The following RBFOX1 variants were observed in gnomAD, a reference collection of about 807,000 sequenced individuals.
RBFOX1 encodes RNA binding protein fox-1 homolog 1.
A neutral mutation model predicts 57.7 loss-of-function variants in RBFOX1; 8 were observed. That is an observed-to-expected ratio of 0.14 (90% CI 0.08 to 0.25). The LOEUF (loss-of-function observed/expected upper bound fraction) is 0.25. RBFOX1 is among the 10% of genes least tolerant of loss of function. RBFOX1 has a pLI of 1.00. For synonymous variants in RBFOX1, 326 were observed against 222.4 expected (o/e 1.47, Z -4.15); for missense variants, 611 against 548.5 (o/e 1.11, Z -1.14).
chr16:6,276,757 C>G (rs1432085216), intron 1 of RBFOX1, among the ~76,000 whole-genome samples: 1 of 151,962 alleles, frequency 6.6e-6, no homozygotes, highest in Admixed American at 6.6e-5. Context: ...TTCTTTATCA[C>G]AGCATCCTGT....
intron 3 of RBFOX1, among the ~76,000 whole-genome samples, chr16:6,949,667 G>T (rs559215108): frequency 6.0e-4 from 91 of 152,012 alleles, no homozygotes; most frequent in African/African-American, 2.1e-3. Context: ...CCAACCTTAT[G>T]ACCTCCTTTG....
intron 3 of RBFOX1, among the ~76,000 whole-genome samples, chr16:6,845,702 C>T (rs1169627187): frequency 6.6e-6 from 1 of 152,178 alleles, no homozygotes; most frequent in East Asian, 1.9e-4. Context: ...CGTTCCAGGC[C>T]TTGCTTCTCT....
At chr16:5,846,809 C>T (rs191471826) in intron 3 of RBFOX1, among the ~76,000 whole-genome samples, 2 of 152,050 alleles carry the variant, frequency 1.3e-5, no homozygotes, top group African/African-American at 2.4e-5. Context: ...CTCCAGGAAG[C>T]CCCTCAAATG....
chr16:5,452,833 G>A (rs1044289553), intron 1 of RBFOX1, among the ~76,000 whole-genome samples: 2 of 151,930 alleles, frequency 1.3e-5, no homozygotes, highest in East Asian at 1.9e-4. Flanking sequence ...TAGTAGGGAC[G>A]GGGTTTGCTC....
At chr16:5,906,837 C>G (rs1349298209) in intron 4 of RBFOX1, among the ~76,000 whole-genome samples, 1 of 144,976 alleles carries the variant, frequency 6.9e-6, no homozygotes, top group Non-Finnish European at 1.5e-5. Context: ...CGGGGTCAAG[C>G]AATTCTCTTG....
At chr16:5,277,265 A>G (rs2063164059) in intron 1 of RBFOX1, among the ~76,000 whole-genome samples, 1 of 151,976 alleles carries the variant, frequency 6.6e-6, no homozygotes, top group Non-Finnish European at 1.5e-5. Flanking sequence ...ATGATGATGC[A>G]AAGGGACGAG....
intron 4 of RBFOX1, among the ~76,000 whole-genome samples, chr16:5,928,931 A>C (rs769851199): frequency 2.5e-4 from 38 of 151,896 alleles, no homozygotes; most frequent in South Asian, 1.7e-3. Context: ...AGAGCTCGCA[A>C]TGTGGCTGCA....
intron 4 of RBFOX1, among the ~76,000 whole-genome samples, chr16:7,258,537 C>T (rs1349494628): frequency 6.6e-6 from 1 of 151,930 alleles, no homozygotes; most frequent in Non-Finnish European, 1.5e-5. Flanking sequence ...TGTACATGCA[C>T]GTAAAAATAT....
intron 3 of RBFOX1, among the ~76,000 whole-genome samples, chr16:5,839,909 C>T (rs533141609): frequency 6.6e-6 from 1 of 152,134 alleles, no homozygotes; most frequent in Non-Finnish European, 1.5e-5. Context: ...CCCCTATGAG[C>T]AATCAAGACA....
At chr16:5,404,715 G>C (rs1291721294) in intron 1 of RBFOX1, among the ~76,000 whole-genome samples, 1 of 152,188 alleles carries the variant, frequency 6.6e-6, no homozygotes, top group African/African-American at 2.4e-5. Flanking sequence ...TGGCAGTTTT[G>C]TGGTGCATGC....
chr16:7,686,573 CAAAA>C (rs752429209), intron 14 of RBFOX1, among the ~76,000 whole-genome samples: 9 of 151,822 alleles, frequency 5.9e-5, no homozygotes, highest in African/African-American at 1.5e-4. Context: ...TCTACACAGA[CAAAA>C]AAAGAAAAAG....
intron 2 of RBFOX1, among the ~76,000 whole-genome samples, chr16:5,571,660 A>G (rs2046288918): frequency 6.6e-6 from 1 of 152,074 alleles, no homozygotes; most frequent in Non-Finnish European, 1.5e-5. Flanking sequence ...TCTGGAGACT[A>G]CTGTTCAAAG....
At chr16:6,657,212 C>T (rs1225176461) in intron 3 of RBFOX1, among the ~76,000 whole-genome samples, 1 of 151,418 alleles carries the variant, frequency 6.6e-6, no homozygotes, top group East Asian at 1.9e-4. Flanking sequence ...GTCTTCCTTC[C>T]TCCCTCCTTC....
intron 3 of RBFOX1, among the ~76,000 whole-genome samples, chr16:5,830,691 C>G (rs1244202642): frequency 6.6e-6 from 1 of 152,208 alleles, no homozygotes; most frequent in East Asian, 1.9e-4. Context: ...TGTGTCCTCT[C>G]TGCATCACCA....
intron 2 of RBFOX1, among the ~76,000 whole-genome samples, chr16:6,581,437 C>T (rs1483733783): frequency 6.6e-6 from 1 of 152,142 alleles, no homozygotes; most frequent in Non-Finnish European, 1.5e-5. Flanking sequence ...CTTCCTTCCC[C>T]CAGCTGTGTT....
At chr16:6,387,711 G>A (rs373916965) in intron 2 of RBFOX1, among the ~76,000 whole-genome samples, 2 of 152,044 alleles carry the variant, frequency 1.3e-5, no homozygotes, top group African/African-American at 4.8e-5. Flanking sequence ...TGTTTTGAGG[G>A]TGTATAGTGG....
intron 2 of RBFOX1, among the ~76,000 whole-genome samples, chr16:6,584,104 C>T (rs1034311137): frequency 1.3e-5 from 2 of 151,474 alleles, no homozygotes; most frequent in East Asian, 1.9e-4. Flanking sequence ...CAGAAAGAAA[C>T]GTAACCAAGT....
intron 3 of RBFOX1, among the ~76,000 whole-genome samples, chr16:6,759,394 G>T (rs1441340684): frequency 6.6e-6 from 1 of 151,754 alleles, no homozygotes; most frequent in African/African-American, 2.4e-5. Context: ...CAGGTGATCT[G>T]CCTGCCTCAG....
At chr16:6,960,457 C>T (rs781009507) in intron 3 of RBFOX1, among the ~76,000 whole-genome samples, 2 of 152,118 alleles carry the variant, frequency 1.3e-5, no homozygotes, top group Non-Finnish European at 2.9e-5. Context: ...CCCTTGTCTC[C>T]CAGTTCTCGT....
Sources: gnomAD v4.1 joint callset for allele counts (sites outside exome capture counted in the v4.1 genomes callset) on GRCh38, gnomAD v4.1.1 for gene constraint, MANE v1.5 for transcripts, NCBI Gene and HGNC (gene_info 2026-07-23, HGNC 2026-07-21) for gene names.